Variants in ZNF678 observed in about 807,000 individuals in gnomAD.
ZNF678 encodes the protein hypothetical protein MGC42493.
In ZNF678, 5 loss-of-function variants were observed where a neutral mutation model predicts 3.0. The ratio of observed to expected loss-of-function variants is 1.69; its 90% CI spans 0.88 to 3.56. The LOEUF (loss-of-function observed/expected upper bound fraction) is 3.56. Ranked by LOEUF, ZNF678 falls within the 30% of genes most tolerant of loss-of-function variation. The pLI is 0.00. For synonymous variants in ZNF678, 218 were observed against 199.6 expected (o/e 1.09, Z -0.78); for missense variants, 593 against 605.0 (o/e 0.98, Z 0.21).
intron 5 of ZNF678, among the ~76,000 whole-genome samples, chr1:227,667,795 C>T (rs2102818960): frequency 6.6e-6 from 1 of 152,238 alleles, no homozygotes; most frequent in South Asian, 2.1e-4. Flanking sequence ...ATTTATCAGG[C>T]TCCTAATGGA....
rs1004090371 is a variant in ZNF678, at chr1:227,661,532, G to A, written c.*5704G>A. The A allele has an allele frequency of 6.6e-6, 1 of 152,110 alleles. No homozygotes were observed. The highest frequency in any genetic ancestry group is 2.4e-5 in the African/African-American group (1 of 41,422). The allele number at this position is 152,110 out of a possible 1,614,324, so 9.4% of individuals were successfully genotyped here. A position where few individuals can be genotyped will look rare whatever the true frequency, so the allele number is the denominator to read the frequency against. ...ATGAACAGCCACAGCATGCCCAGAAGCCTTTTTATGGAGCCAGGCATGGTT... is the reference window on the plus strand; with the variant it reads ...ATGAACAGCCACAGCATGCCCAGAAACCTTTTTATGGAGCCAGGCATGGTT... On this transcript the variant is annotated 3_prime_UTR_variant, in exon 4 of 4. Coordinates refer to ENST00000343776, the MANE Select transcript of ZNF678 (RefSeq NM_001367909.1).
At chr1:227,617,584 CAGA>C (rs2102766535) in intron 1 of ZNF678, among the ~76,000 whole-genome samples, 1 of 152,252 alleles carries the variant, frequency 6.6e-6, no homozygotes, top group East Asian at 1.9e-4. Context: ...TCTCAGTGGG[CAGA>C]AGTTTGGGTT....
intron 1 of ZNF678, among the ~76,000 whole-genome samples, chr1:227,640,890 C>G (rs1658803083): frequency 6.6e-6 from 1 of 152,182 alleles, no homozygotes; most frequent in Non-Finnish European, 1.5e-5. Context: ...GAGCGATCAT[C>G]ACTGCTGCCT....
intron 1 of ZNF678, among the ~76,000 whole-genome samples, chr1:227,602,857 A>G (rs865773830): frequency 2.0e-5 from 3 of 152,214 alleles, no homozygotes; most frequent in African/African-American, 7.2e-5. Context: ...TGATCCAGGC[A>G]GAGTTGCATG....
In ZNF678 at chr1:227,625,148, T is replaced by C. The variant is rs559322681; in HGVS notation, c.-163-21396T>C. ...AATTGATATTTTAGTGAGCTCTCTT[T>C]ACTACCTAATTGGTTGGGTGTGAGC... On this transcript the variant is annotated intron_variant, in intron 1 of 3. Transcript: ENST00000343776. Among the ~76,000 whole-genome samples the C allele has an allele frequency of 3.3e-5, 5 of 152,332 alleles. No homozygotes were observed. The South Asian group carries it at 8.3e-4, about 25-fold the overall frequency.
intron 1 of ZNF678, among the ~76,000 whole-genome samples, chr1:227,618,741 TTTTG>T (rs542401503): frequency 1.1e-3 from 167 of 152,298 alleles, no homozygotes; most frequent in Non-Finnish European, 2.0e-3. Context: ...GTTTTTGTTT[TTTTG>T]TTTGTTTTAG....
chr1:227,633,639 C>G (rs1658605387), intron 1 of ZNF678, among the ~76,000 whole-genome samples: 1 of 152,196 alleles, frequency 6.6e-6, no homozygotes, highest in Admixed American at 6.5e-5. Context: ...CTGAACCAAA[C>G]TCAGCTGACA....
chr1:227,571,910 C>G (rs868490859), intron 1 of ZNF678, among the ~76,000 whole-genome samples: 25 of 152,236 alleles, frequency 1.6e-4, no homozygotes, highest in African/African-American at 5.5e-4. Flanking sequence ...GATGTGGTGG[C>G]GGGTGCCTGT....
At chr1:227,584,390 C>T (rs1657207139) in intron 1 of ZNF678, among the ~76,000 whole-genome samples, 1 of 152,102 alleles carries the variant, frequency 6.6e-6, no homozygotes, top group Admixed American at 6.6e-5. Context: ...TTAAAATATG[C>T]ATAAATAAGC....
intron 1 of ZNF678, among the ~76,000 whole-genome samples, chr1:227,607,240 C>T (rs1394888599): frequency 1.3e-5 from 2 of 152,116 alleles, no homozygotes; most frequent in East Asian, 1.9e-4. Flanking sequence ...TGTTCTGTGT[C>T]TCTAGATTCT....
intron 1 of ZNF678, among the ~76,000 whole-genome samples, chr1:227,610,442 G>A (rs1657988647): frequency 6.6e-6 from 1 of 152,092 alleles, no homozygotes; most frequent in African/African-American, 2.4e-5. Flanking sequence ...AAAACCCATG[G>A]GCATTTATGG....
At chr1:227,635,727 C>T (rs1168386617) in intron 1 of ZNF678, among the ~76,000 whole-genome samples, 1 of 152,098 alleles carries the variant, frequency 6.6e-6, no homozygotes, top group Admixed American at 6.6e-5. Context: ...TGGCCTCTTT[C>T]TCAATCTTCA....
At chr1:227,573,670 T>A (rs1656912668) in intron 1 of ZNF678, among the ~76,000 whole-genome samples, 1 of 105,148 alleles carries the variant, frequency 9.5e-6, no homozygotes, top group South Asian at 2.8e-4. Context: ...TTTATTTTTA[T>A]TTTTTATTTG....
chr1:227,650,469 A>T (rs375961399), intron 2 of ZNF678, among the ~76,000 whole-genome samples: 1 of 152,120 alleles, frequency 6.6e-6, no homozygotes, highest in East Asian at 1.9e-4. Context: ...CAACTATTCA[A>T]TGTCTTGTAA....
chr1:227,613,323 C>G (rs1658069056), intron 1 of ZNF678, among the ~76,000 whole-genome samples: 1 of 152,196 alleles, frequency 6.6e-6, no homozygotes, highest in Non-Finnish European at 1.5e-5. Flanking sequence ...GGCCCCAGGA[C>G]AGCAATTCTC....
chr1:227,651,161 G>T, intron 3 of ZNF678, 85 bp downstream of exon 3: 1 of 1,472,544 alleles, frequency 6.8e-7, no homozygotes, highest in Non-Finnish European at 9.2e-7. Flanking sequence ...TGAGTCCTAA[G>T]GTTGTTGGCA....
chr1:227,576,766 T>G (rs1347432325), intron 1 of ZNF678, among the ~76,000 whole-genome samples: 1 of 152,238 alleles, frequency 6.6e-6, no homozygotes, highest in Non-Finnish European at 1.5e-5. Flanking sequence ...GGTTATGTCT[T>G]GCCTTCTGCT....
At chr1:227,595,192 CTCTT>C (rs1357233391) in intron 1 of ZNF678, among the ~76,000 whole-genome samples, 8 of 150,196 alleles carry the variant, frequency 5.3e-5, no homozygotes, top group African/African-American at 1.2e-4. Flanking sequence ...ATATCTCTCT[CTCTT>C]TCTTTCTGTC....
intron 1 of ZNF678, among the ~76,000 whole-genome samples, chr1:227,588,532 A>C: frequency 7.1e-6 from 1 of 141,132 alleles, no homozygotes; most frequent in African/African-American, 2.7e-5. Context: ...ACACAGTCTC[A>C]CTCTGTCACC....
Sources: allele counts gnomAD v4.1 joint callset (sites outside exome capture counted in the v4.1 genomes callset), GRCh38; gene constraint gnomAD v4.1.1; transcripts MANE v1.5; gene names NCBI Gene and HGNC (gene_info 2026-07-23, HGNC 2026-07-21).